CADM1: variants seen among roughly 807,000 people sequenced by gnomAD.
CADM1 encodes TSLC-1.
CADM1 carries 15 observed loss-of-function variants against 53.1 expected under a neutral mutation model. The ratio of observed to expected loss-of-function variants is 0.28; its 90% CI spans 0.19 to 0.44. The LOEUF is 0.44. CADM1 is among the 20% of genes least tolerant of loss of function. CADM1 has a pLI of 1.00. For missense variants in CADM1, 434 were observed against 611.3 expected, an observed-to-expected ratio of 0.71 and a Z score of 3.06; for synonymous variants, 281 against 243.0, an observed-to-expected ratio of 1.16 and a Z score of -1.45.
chr11:115,336,055 T>C (rs1037496674), intron 1 of CADM1, among the ~76,000 whole-genome samples: 1 of 152,188 alleles, frequency 6.6e-6, no homozygotes, highest in Non-Finnish European at 1.5e-5. Flanking sequence ...AAAAATGCTT[T>C]ATTTGTAATT....
intron 1 of CADM1, among the ~76,000 whole-genome samples, chr11:115,346,944 A>G (rs1945594515): frequency 6.6e-6 from 1 of 152,198 alleles, no homozygotes; most frequent in Non-Finnish European, 1.5e-5. Flanking sequence ...ACATTGTCAG[A>G]AGGAAAAAAC....
intron 1 of CADM1, among the ~76,000 whole-genome samples, chr11:115,258,175 T>C (rs1942854970): frequency 6.6e-6 from 1 of 152,214 alleles, no homozygotes; most frequent in Non-Finnish European, 1.5e-5. Flanking sequence ...GATCGTGTCC[T>C]TTCCATGTAA....
chr11:115,464,402 C>A (rs1289131688), intron 1 of CADM1, among the ~76,000 whole-genome samples: 2 of 152,154 alleles, frequency 1.3e-5, no homozygotes, highest in Admixed American at 6.5e-5. Context: ...GTGTACTGCA[C>A]GTTGGAGACA....
At chr11:115,389,601 G>T (rs1306160885) in intron 1 of CADM1, among the ~76,000 whole-genome samples, 1 of 152,104 alleles carries the variant, frequency 6.6e-6, no homozygotes, top group East Asian at 1.9e-4. Flanking sequence ...CACATGACAT[G>T]ATATTAAGTG....
Position 115,209,645 on chromosome 11 carries a change from G to A in CADM1, c.1007C>T (p.Thr336Ile), listed in dbSNP as rs141892754. 4,581 of 1,612,888 alleles carry A rather than the reference G, an allele frequency of 2.8e-3. 6 individuals carry two copies. The highest frequency in any genetic ancestry group is 4.3e-3 in the Admixed American group (257 of 59,980). Reference protein sequence around the residue: ...YMLYVYDPPTTIPPPTTTTTT... With the variant: ...YMLYVYDPPTIIPPPTTTTTT... ...GGTGGTTGTTGTGGGAGGAGGGATA[G>A]TTGTGGGGGGATCTGGATAGAAAAA... Residue 336 changes from threonine to isoleucine, a missense_variant, in exon 8 of 12, where the codon ACT (threonine) becomes ATT (isoleucine). By Grantham distance (89) the Thr-to-Ile change is moderately conservative. Around this residue, in one of 4 missense-constraint regions of CADM1, gnomAD observed 311 missense variants for 435.1 expected, o/e 0.71. Coordinates refer to ENST00000331581, the MANE Select transcript of CADM1 (RefSeq NM_001301043.2).
At position 115,169,636 on chromosome 11, in the gene CADM1, G is replaced by C; in HGVS notation, c.*6838C>G. 2.2e-6 allele frequency: 1 copy of C among 456,560 alleles called. No individual in the cohort carries two copies. The highest frequency in any genetic ancestry group is 1.5e-5 in the South Asian group (1 of 64,552). 28.3% of individuals were successfully genotyped at this position (456,560 alleles called of 1,614,324 possible). A position where few individuals can be genotyped will look rare whatever the true frequency, so the allele number is the denominator to read the frequency against. Reference sequence around the variant, plus strand: ...GTTAGAGAAAACAGGCCTAGAGAGAGGGAGAGAAAGAGAAAGAGAGAGAGA... The same window carrying C: ...GTTAGAGAAAACAGGCCTAGAGAGACGGAGAGAAAGAGAAAGAGAGAGAGA... On this transcript the variant is annotated 3_prime_UTR_variant, in exon 12 of 12. Transcript: ENST00000331581.
At chr11:115,190,777 G>T in intron 10 of CADM1, 111 bp downstream of exon 10, 2 of 853,446 alleles carry the variant, frequency 2.3e-6, no homozygotes, top group Admixed American at 2.4e-5. Context: ...TTTTTTGTTA[G>T]TCTCAAAATC....
In CADM1 at chr11:115,295,529, TATATATATATATATATATATA is replaced by T. The variant is rs1227899844; in HGVS notation, c.125-55130_125-55110del. Among the ~76,000 whole-genome samples, 116 of 85,410 alleles carry T rather than the reference TATATATATATATATATATATA, an allele frequency of 1.4e-3. 2 individuals are homozygous for T. The highest frequency in any genetic ancestry group is 5.6e-3 in the African/African-American group (73 of 12,984). 56.0% of individuals were successfully genotyped at this position (85,410 alleles called of 152,430 possible). A position where few individuals can be genotyped will look rare whatever the true frequency, so the allele number is the denominator to read the frequency against. ...TTTTATATATATATATATATATATA[TATATATATATATATATATATA>T]ATATATATGTATATGCACATATATA... On this transcript the variant is annotated intron_variant, in intron 1 of 11. Coordinates refer to ENST00000331581, the MANE Select transcript of CADM1 (RefSeq NM_001301043.2).
intron 8 of CADM1, among the ~76,000 whole-genome samples, chr11:115,199,885 CAA>C (rs1940337991): frequency 6.6e-6 from 1 of 152,172 alleles, no homozygotes; most frequent in Non-Finnish European, 1.5e-5. Context: ...GTGGAGACGC[CAA>C]AAGACTTTCT....
chr11:115,273,014 G>C (rs996022053), intron 1 of CADM1, among the ~76,000 whole-genome samples: 1 of 152,262 alleles, frequency 6.6e-6, no homozygotes, highest in Non-Finnish European at 1.5e-5. Context: ...TCAATGTCAG[G>C]GCAGGTAGGG....
intron 1 of CADM1, among the ~76,000 whole-genome samples, chr11:115,352,428 A>C (rs955703922): frequency 1.3e-5 from 2 of 152,230 alleles, no homozygotes; most frequent in African/African-American, 4.8e-5. Context: ...ATAGTCTTCT[A>C]AAACAATCTC....
chr11:115,210,000 T>C (rs1004936981), intron 7 of CADM1, among the ~76,000 whole-genome samples: 1 of 152,130 alleles, frequency 6.6e-6, no homozygotes, highest in African/African-American at 2.4e-5. Flanking sequence ...GGTACAATGG[T>C]TGTCATTTCG....
In CADM1 at chr11:115,173,954, C is replaced by T; in HGVS notation, c.*2520G>A. 1 of 967,566 alleles carries T rather than the reference C, an allele frequency of 1.0e-6. No individual in the cohort carries two copies. The highest frequency in any genetic ancestry group is 1.2e-6 in the Non-Finnish European group (1 of 813,716). The allele number at this position is 967,566 out of a possible 1,614,324, so 59.9% of individuals were successfully genotyped here. On this transcript the variant is annotated 3_prime_UTR_variant, in exon 12 of 12. Coordinates refer to ENST00000331581, the MANE Select transcript of CADM1 (RefSeq NM_001301043.2). ...CTCTAAAAAAAGTGATCAACCTGTACAAAGTAATACTCAACAATACATTTC... is the reference window on the plus strand; with the variant it reads ...CTCTAAAAAAAGTGATCAACCTGTATAAAGTAATACTCAACAATACATTTC...
At chr11:115,296,150 T>C (rs1300519159) in intron 1 of CADM1, among the ~76,000 whole-genome samples, 1 of 152,130 alleles carries the variant, frequency 6.6e-6, no homozygotes, top group East Asian at 1.9e-4. Context: ...AGGGTCTTAC[T>C]ACGTTGCCCA....
intron 1 of CADM1, among the ~76,000 whole-genome samples, chr11:115,460,313 G>A (rs758744113): frequency 2.6e-5 from 4 of 152,202 alleles, no homozygotes; most frequent in Non-Finnish European, 5.9e-5. Flanking sequence ...AACGTGAACA[G>A]CTCTTAAAAT....
chr11:115,418,840 G>GC (rs1947680596), intron 1 of CADM1, among the ~76,000 whole-genome samples: 1 of 152,092 alleles, frequency 6.6e-6, no homozygotes. Context: ...CTTTACAAGA[G>GC]CAAGTACTTA....
intron 1 of CADM1, among the ~76,000 whole-genome samples, chr11:115,470,676 T>C (rs1441842668): frequency 6.6e-6 from 1 of 152,120 alleles, no homozygotes; most frequent in Non-Finnish European, 1.5e-5. Context: ...ATGCAGCAAA[T>C]AGAACTGCTT....
At chr11:115,426,168 TC>T in intron 1 of CADM1, among the ~76,000 whole-genome samples, 1 of 152,192 alleles carries the variant, frequency 6.6e-6, no homozygotes, top group East Asian at 1.9e-4. Flanking sequence ...ACACGAATTT[TC>T]TTTTGAGCTT....
intron 1 of CADM1, among the ~76,000 whole-genome samples, chr11:115,362,780 T>C (rs181783270): frequency 4.3e-4 from 66 of 152,344 alleles, no homozygotes; most frequent in African/African-American, 1.5e-3. Flanking sequence ...AATGAGGTTA[T>C]TGAGTATTTT....
Sources: gnomAD v4.1 joint callset for allele counts (sites outside exome capture counted in the v4.1 genomes callset) on GRCh38, gnomAD v4.1.1 for gene constraint, gnomAD v4.1.1 regional missense constraint, MANE v1.5 for transcripts, NCBI Gene and HGNC (gene_info 2026-07-23, HGNC 2026-07-21) for gene names.